Variants in ZBBX observed in about 807,000 individuals in gnomAD.
ZBBX encodes the protein zinc finger B-box domain-containing protein 1.
A neutral mutation model predicts 108.5 loss-of-function variants in ZBBX; 101 were observed. The ratio of observed to expected loss-of-function variants is 0.93; its 90% CI spans 0.79 to 1.10. The LOEUF (loss-of-function observed/expected upper bound fraction) is 1.10. Ranked by LOEUF, ZBBX falls within the 50% of genes least tolerant of loss-of-function variation. ZBBX has a pLI of 0.00. For missense variants in ZBBX, 1,009 were observed against 941.4 expected, an observed-to-expected ratio of 1.07 and a Z score of -0.94; for synonymous variants, 356 against 323.4, an observed-to-expected ratio of 1.10 and a Z score of -1.08.
Position 167,246,874 on chromosome 3 carries a change from A to C in ZBBX, c.2255-4231T>G, listed in dbSNP as rs374663034. On this transcript the variant is annotated intron_variant, in intron 20 of 21. Transcript: ENST00000675490. ...AGGAATAGTAAGTGGCATGAACTAC[A>C]GCTAACTATAATCCTCAAAGCAATA... Among the ~76,000 whole-genome samples, 7 of 152,232 alleles carry C rather than the reference A, an allele frequency of 4.6e-5. No homozygotes were observed. In the East Asian group the frequency reaches 1.2e-3, roughly 25 times the overall value.
chr3:167,285,350 T>G (rs540986035), intron 19 of ZBBX, among the ~76,000 whole-genome samples: 12 of 152,244 alleles, frequency 7.9e-5, no homozygotes, highest in Non-Finnish European at 1.3e-4. Context: ...TAATAACAAA[T>G]AATATTCTTA....
chr3:167,383,069 A>G (rs1747801459), upstream of ZBBX, among the ~76,000 whole-genome samples: 1 of 152,124 alleles, frequency 6.6e-6, no homozygotes. Flanking sequence ...TATATTCTCT[A>G]CTTAAAGAAT....
At chr3:167,335,209 G>T (rs917557229) in intron 9 of ZBBX, among the ~76,000 whole-genome samples, 1 of 152,000 alleles carries the variant, frequency 6.6e-6, no homozygotes, top group African/African-American at 2.4e-5. Flanking sequence ...TGATTTTATG[G>T]CTACTACAGT....
chr3:167,373,796 G>A lies in ZBBX; in HGVS notation c.-131-9C>T, dbSNP rs1412136145. On this transcript the variant is annotated splice_polypyrimidine_tract_variant and intron_variant, in intron 2 of 21. Coordinates refer to ENST00000675490, the MANE Select transcript of ZBBX (RefSeq NM_001199201.2). ...ATGAAGAGGAGTTGGTCCTGTCTCA[G>A]GAGTGGCAGAGATGGAAGTGGTAGA... is the stretch of plus-strand genomic sequence containing the variant. 1 of 152,152 alleles carries A rather than the reference G, an allele frequency of 6.6e-6. No individual in the cohort carries two copies. Among genetic ancestry groups the A allele is most frequent in the African/African-American group, 2.4e-5 (1 of 41,444 alleles). 9.4% of individuals were successfully genotyped at this position (152,152 alleles called of 1,614,324 possible). A position where few individuals can be genotyped will look rare whatever the true frequency, so the allele number is the denominator to read the frequency against.
At position 167,375,916 on chromosome 3, in the gene ZBBX, A is replaced by C. The variant is rs577692873; in HGVS notation, c.-131-2129T>G. Among the ~76,000 whole-genome samples, 22 of 152,328 alleles carry C rather than the reference A, an allele frequency of 1.4e-4. No homozygotes were observed. The South Asian group carries it at 4.6e-3, about 32-fold the overall frequency. ...ATGTTTGTACCTTCAATCCACAAAC[A>C]TGTATTTAACTGTTCCTTTGTGATC... is the stretch of plus-strand genomic sequence containing the variant. On this transcript the variant is annotated intron_variant, in intron 2 of 21. Coordinates refer to ENST00000675490, the MANE Select transcript of ZBBX (RefSeq NM_001199201.2).
At chr3:167,253,304 C>T (rs921338245) in intron 20 of ZBBX, among the ~76,000 whole-genome samples, 2 of 151,986 alleles carry the variant, frequency 1.3e-5, no homozygotes, top group African/African-American at 4.8e-5. Context: ...AAAGAACAGG[C>T]TAGTCTCACC....
intron 8 of ZBBX, among the ~76,000 whole-genome samples, chr3:167,353,756 C>A (rs6803535): frequency 1.1e-4 from 17 of 152,070 alleles, no homozygotes; most frequent in African/African-American, 3.1e-4. Flanking sequence ...CCTTGTATCT[C>A]CATAATGAAG....
chr3:167,183,897 G>A, the ZBBX span, among the ~76,000 whole-genome samples: 2 of 152,038 alleles, frequency 1.3e-5, no homozygotes, highest in Admixed American at 6.5e-5. Flanking sequence ...TTAGGGGCCT[G>A]TTCCCAACAA....
At chr3:167,237,312 G>T (rs919226627), downstream of ZBBX, among the ~76,000 whole-genome samples, 6 of 151,840 alleles carry the variant, frequency 4.0e-5, no homozygotes, top group Non-Finnish European at 8.8e-5. Flanking sequence ...TCTGCAGCAT[G>T]TGCATGTCCA....
At chr3:167,388,410 C>T (rs1747986051) in intron 1 of ZBBX, among the ~76,000 whole-genome samples, 1 of 151,624 alleles carries the variant, frequency 6.6e-6, no homozygotes, top group African/African-American at 2.4e-5. Context: ...GGAGTGACAA[C>T]TGATTTATAT....
At chr3:167,180,299 T>C in the ZBBX span, among the ~76,000 whole-genome samples, 4 of 152,234 alleles carry the variant, frequency 2.6e-5, no homozygotes, top group East Asian at 7.7e-4. Context: ...AGACTACTCA[T>C]GGCATAAGTA....
chr3:167,347,194 A>G (rs1350213138), intron 9 of ZBBX, among the ~76,000 whole-genome samples: 1 of 151,972 alleles, frequency 6.6e-6, no homozygotes, highest in Non-Finnish European at 1.5e-5. Context: ...CTTTCAAAAA[A>G]CATCTATCTA....
intron 19 of ZBBX, among the ~76,000 whole-genome samples, chr3:167,286,048 C>A (rs114268956): frequency 0.014 from 2,121 of 152,056 alleles, 26 homozygotes; most frequent in South Asian, 0.026. Flanking sequence ...CTCAAGAGAC[C>A]AGCACTAGAT....
intron 16 of ZBBX, among the ~76,000 whole-genome samples, chr3:167,311,148 C>A (rs1305498409): frequency 6.6e-6 from 1 of 152,052 alleles, no homozygotes; most frequent in Non-Finnish European, 1.5e-5. Context: ...CCTGAGTAGA[C>A]CTATATAAAT....
At chr3:167,315,580 A>G (rs1246106762) in intron 15 of ZBBX, among the ~76,000 whole-genome samples, 170 bp downstream of exon 15, 1 of 152,196 alleles carries the variant, frequency 6.6e-6, no homozygotes, top group African/African-American at 2.4e-5. Context: ...GTTATTAAAT[A>G]TCAGCAATAT....
intron 10 of ZBBX, among the ~76,000 whole-genome samples, chr3:167,329,909 G>A (rs1033770021): frequency 2.0e-5 from 3 of 152,136 alleles, no homozygotes; most frequent in African/African-American, 7.2e-5. Context: ...CAATTAAAAT[G>A]TTACAGACAT....
At chr3:167,330,906 GAA>G (rs1491422140) in intron 10 of ZBBX, among the ~76,000 whole-genome samples, 4 of 91,568 alleles carry the variant, frequency 4.4e-5, no homozygotes, top group Non-Finnish European at 9.6e-5. Flanking sequence ...AGAAGAAGAA[GAA>G]GAGGCATCAT....
the ZBBX span, among the ~76,000 whole-genome samples, chr3:167,180,838 G>A: frequency 1.3e-5 from 2 of 152,180 alleles, no homozygotes; most frequent in African/African-American, 4.8e-5. Context: ...AATCATAGCA[G>A]GAGAAGCCAA....
intron 16 of ZBBX, among the ~76,000 whole-genome samples, chr3:167,306,319 A>G (rs1156972398): frequency 6.6e-6 from 1 of 152,184 alleles, no homozygotes; most frequent in Admixed American, 6.5e-5. Flanking sequence ...CACAGGGGGA[A>G]CATTTTTTCA....
Sources: allele counts gnomAD v4.1 joint callset (sites outside exome capture counted in the v4.1 genomes callset), GRCh38; gene constraint gnomAD v4.1.1; transcripts MANE v1.5; gene names NCBI Gene and HGNC (gene_info 2026-07-23, HGNC 2026-07-21).